CNTNAP2: variants seen among roughly 807,000 people sequenced by gnomAD.
The protein encoded by CNTNAP2 is contactin associated protein 2.
Under a neutral mutation model 155.2 loss-of-function variants are expected in CNTNAP2, and 98 were observed. That is an observed-to-expected ratio of 0.63 (90% CI 0.54 to 0.75). The LOEUF is 0.75. Ranked by LOEUF, CNTNAP2 falls within the 30% of genes least tolerant of loss-of-function variation. The pLI, the probability that CNTNAP2 is intolerant of heterozygous loss-of-function variation, is 0.00. For missense variants in CNTNAP2, 1,727 were observed against 1,688.1 expected (o/e 1.02, Z -0.40); for synonymous variants, 651 against 631.2 (o/e 1.03, Z -0.47).
At chr7:147,092,489 T>C (rs1430571299) in intron 4 of CNTNAP2, among the ~76,000 whole-genome samples, 1 of 152,182 alleles carries the variant, frequency 6.6e-6, no homozygotes, top group Non-Finnish European at 1.5e-5. Context: ...TCTTATAGTA[T>C]AAGAAGTCAA....
At chr7:146,903,704 C>T (rs1796052748) in intron 3 of CNTNAP2, among the ~76,000 whole-genome samples, 1 of 152,066 alleles carries the variant, frequency 6.6e-6, no homozygotes, top group Non-Finnish European at 1.5e-5. Flanking sequence ...TCACCAGAGG[C>T]CTGCAGAGAG....
rs145603619 is a variant in CNTNAP2 at position 147,637,146 on chromosome 7, C to T, written c.1898-1960C>T. 4.0e-3 allele frequency among the ~76,000 whole-genome samples: 607 copies of T among 152,242 alleles called. 3 individuals are homozygous for T. Among genetic ancestry groups the T allele is most frequent in the Middle Eastern group, 0.01 (3 of 294 alleles). On this transcript the variant is annotated intron_variant, in intron 12 of 23. Transcript: ENST00000361727. ...ACTTGACTTCTACTGGAACAAGACC[C>T]GCTGCCATTGAAGGCTTTGAGCAGA...
intron 12 of CNTNAP2, among the ~76,000 whole-genome samples, chr7:147,578,806 T>C (rs1287552384): frequency 6.6e-6 from 1 of 152,108 alleles, no homozygotes; most frequent in Non-Finnish European, 1.5e-5. Flanking sequence ...AAACCCTGTG[T>C]ATTACGAAAT....
chr7:147,008,982 C>G (rs556608694), intron 3 of CNTNAP2, among the ~76,000 whole-genome samples: 8 of 148,280 alleles, frequency 5.4e-5, no homozygotes, highest in African/African-American at 1.7e-4. Flanking sequence ...TTTTCAGTTG[C>G]CTTAAGTTCA....
intron 15 of CNTNAP2, among the ~76,000 whole-genome samples, chr7:148,022,479 A>AG (rs1306261060): frequency 7.1e-6 from 1 of 139,996 alleles, no homozygotes; most frequent in African/African-American, 2.6e-5. Flanking sequence ...AAAAAAAAAA[A>AG]AAAAAGAAAA....
chr7:147,009,281 G>T (rs1316359637), intron 3 of CNTNAP2, among the ~76,000 whole-genome samples: 2 of 151,974 alleles, frequency 1.3e-5, no homozygotes, highest in African/African-American at 4.8e-5. Context: ...ATAATCATCC[G>T]ATTTTTCCCC....
intron 1 of CNTNAP2, among the ~76,000 whole-genome samples, chr7:146,753,101 A>G (rs1017265706): frequency 2.0e-5 from 3 of 152,166 alleles, no homozygotes; most frequent in African/African-American, 7.2e-5. Context: ...GGTCAGTTAA[A>G]TCTAAATAAA....
intron 13 of CNTNAP2, among the ~76,000 whole-genome samples, chr7:147,720,497 T>G (rs1796548722): frequency 6.6e-6 from 1 of 152,146 alleles, no homozygotes; most frequent in African/African-American, 2.4e-5. Context: ...TTCAAAAGTT[T>G]AATGCTGAGT....
intron 1 of CNTNAP2, among the ~76,000 whole-genome samples, chr7:146,226,516 A>G (rs1401530065): frequency 1.3e-5 from 2 of 152,064 alleles, no homozygotes; most frequent in Non-Finnish European, 2.9e-5. Context: ...AAAATTGACC[A>G]GGCATGGTGG....
intron 1 of CNTNAP2, among the ~76,000 whole-genome samples, chr7:146,205,493 C>A (rs1424128926): frequency 6.6e-6 from 1 of 151,690 alleles, no homozygotes; most frequent in Non-Finnish European, 1.5e-5. Context: ...CCCATTACTT[C>A]TTTTTTCATT....
At chr7:146,299,711 C>T (rs187871831) in intron 1 of CNTNAP2, among the ~76,000 whole-genome samples, 24 of 152,168 alleles carry the variant, frequency 1.6e-4, no homozygotes, top group Admixed American at 9.8e-4. Context: ...TGGGAACTTA[C>T]AGCCTAGTAT....
chr7:147,601,669 A>G (rs972383275), intron 12 of CNTNAP2, among the ~76,000 whole-genome samples: 133 of 146,896 alleles, frequency 9.1e-4, no homozygotes, highest in Non-Finnish European at 1.6e-3. Context: ...ATATATATAT[A>G]TATATACACA....
At chr7:146,943,572 G>T (rs963222908) in intron 3 of CNTNAP2, among the ~76,000 whole-genome samples, 9 of 152,196 alleles carry the variant, frequency 5.9e-5, no homozygotes, top group African/African-American at 2.2e-4. Context: ...AATACTCTAA[G>T]TTACATCATC....
At chr7:147,809,037 C>T (rs113596189) in intron 13 of CNTNAP2, among the ~76,000 whole-genome samples, 14 of 151,448 alleles carry the variant, frequency 9.2e-5, no homozygotes, top group African/African-American at 3.4e-4. Context: ...TCTCAGCCAA[C>T]CAGGAAGGAA....
chr7:148,106,900 G>A (rs901973931), intron 15 of CNTNAP2, among the ~76,000 whole-genome samples: 5 of 152,076 alleles, frequency 3.3e-5, no homozygotes, highest in African/African-American at 4.8e-5. Flanking sequence ...GGACAGGAAG[G>A]CCACAAGTTC....
chr7:147,486,405 TATTA>T (rs1411194669), intron 11 of CNTNAP2, among the ~76,000 whole-genome samples: 4 of 152,174 alleles, frequency 2.6e-5, no homozygotes, highest in Admixed American at 1.3e-4. Flanking sequence ...GACCCTCATT[TATTA>T]ATTAATCCGA....
At chr7:148,061,928 G>GATAGATAGATAAACAGAT (rs1563185335) in intron 15 of CNTNAP2, among the ~76,000 whole-genome samples, 2 of 95,562 alleles carry the variant, frequency 2.1e-5, no homozygotes, top group Admixed American at 1.2e-4. Context: ...GATATAGATA[G>GATAGATAGATAAACAGAT]ATAGATAGAT....
intron 7 of CNTNAP2, 131 bp from the exon 8 acceptor site, chr7:147,132,114 T>C: frequency 8.7e-7 from 1 of 1,149,538 alleles, no homozygotes; most frequent in Non-Finnish European, 1.3e-6. Context: ...CATGCTCTGC[T>C]GCTGTGTGTG....
chr7:146,803,589 G>T (rs1027989127), intron 2 of CNTNAP2, among the ~76,000 whole-genome samples: 1 of 152,154 alleles, frequency 6.6e-6, no homozygotes, highest in African/African-American at 2.4e-5. Flanking sequence ...GAAGCGATCT[G>T]TGCCTACAAG....
Sources: gnomAD v4.1 joint callset for allele counts (sites outside exome capture counted in the v4.1 genomes callset) on GRCh38, gnomAD v4.1.1 for gene constraint, MANE v1.5 for transcripts, NCBI Gene and HGNC (gene_info 2026-07-23, HGNC 2026-07-21) for gene names.